Variants in GNG7 observed in about 807,000 individuals in gnomAD.
GNG7 encodes the protein guanine nucleotide-binding protein G(I)/G(S)/G(O) subunit gamma-7.
A neutral mutation model predicts 4.0 loss-of-function variants in GNG7; 1 was observed. The ratio of observed to expected loss-of-function variants is 0.25; its 90% confidence interval spans 0.09 to 1.18. The LOEUF (loss-of-function observed/expected upper bound fraction) is 1.18. GNG7 is among the 50% of genes most tolerant of loss of function. GNG7 has a pLI of 0.50. For synonymous variants in GNG7, 34 were observed against 36.9 expected (o/e 0.92, Z 0.29); for missense variants, 86 against 91.9 (o/e 0.94, Z 0.26).
intron 4 of GNG7, among the ~76,000 whole-genome samples, chr19:2,519,954 C>T (rs982558502): frequency 1.3e-5 from 2 of 152,036 alleles, no homozygotes; most frequent in Admixed American, 1.3e-4. Flanking sequence ...CCGAGGCAGG[C>T]GGATCACCTG....
chr19:2,635,445 G>T (rs1022477720), intron 2 of GNG7, among the ~76,000 whole-genome samples: 7 of 152,200 alleles, frequency 4.6e-5, no homozygotes, highest in Non-Finnish European at 7.3e-5. Context: ...GTAAGACAGG[G>T]GGACCCCAGC....
intron 4 of GNG7, among the ~76,000 whole-genome samples, chr19:2,515,944 G>A (rs1972729468): frequency 6.6e-6 from 1 of 151,872 alleles, no homozygotes; most frequent in Non-Finnish European, 1.5e-5. Flanking sequence ...GCCAGGTGCG[G>A]TGGCTCACAC....
At chr19:2,550,287 G>A (rs958745638) in intron 3 of GNG7, among the ~76,000 whole-genome samples, 15 of 152,132 alleles carry the variant, frequency 9.9e-5, no homozygotes, top group East Asian at 1.9e-4. Flanking sequence ...GCGCAATCTC[G>A]GCTCACTGCA....
At chr19:2,591,993 A>G (rs1268799609) in intron 2 of GNG7, among the ~76,000 whole-genome samples, 3 of 152,236 alleles carry the variant, frequency 2.0e-5, no homozygotes, top group Non-Finnish European at 4.4e-5. Context: ...CAGGAGTTCA[A>G]GTTGCTATAA....
intron 2 of GNG7, among the ~76,000 whole-genome samples, chr19:2,621,790 G>A (rs1022592998): frequency 8.5e-5 from 13 of 152,138 alleles, no homozygotes; most frequent in Admixed American, 7.9e-4. Context: ...TCGACGGTAA[G>A]CACAAGCCAG....
At chr19:2,636,315 C>T (rs1317915043) in intron 2 of GNG7, among the ~76,000 whole-genome samples, 2 of 152,146 alleles carry the variant, frequency 1.3e-5, no homozygotes, top group Admixed American at 6.5e-5. Context: ...GATCCAGGCC[C>T]TCTGCCCGCC....
At chr19:2,587,786 A>C (rs1300959097) in intron 2 of GNG7, among the ~76,000 whole-genome samples, 2 of 151,946 alleles carry the variant, frequency 1.3e-5, no homozygotes, top group East Asian at 3.9e-4. Flanking sequence ...GGTTGCGGTG[A>C]GCCAAGATCG....
chr19:2,657,315 C>T (rs1391179794), intron 1 of GNG7, among the ~76,000 whole-genome samples: 1 of 108,614 alleles, frequency 9.2e-6, no homozygotes, highest in Non-Finnish European at 1.8e-5. Context: ...CCCTGGGTGA[C>T]AAAGCAAGAC....
chr19:2,621,027 G>A (rs550228577), intron 2 of GNG7, among the ~76,000 whole-genome samples: 85 of 152,096 alleles, frequency 5.6e-4, no homozygotes, highest in Middle Eastern at 3.4e-3. Context: ...TTCTGCAAAC[G>A]GGGGCCCCAT....
At chr19:2,536,863 C>T (rs1403569019) in intron 3 of GNG7, among the ~76,000 whole-genome samples, 1 of 152,052 alleles carries the variant, frequency 6.6e-6, no homozygotes, top group Admixed American at 6.6e-5. Flanking sequence ...ACAGTCTGTG[C>T]TTCCTGGTCG....
intron 2 of GNG7, among the ~76,000 whole-genome samples, chr19:2,583,616 C>T (rs1198039356): frequency 5.3e-5 from 8 of 152,178 alleles, no homozygotes; most frequent in African/African-American, 1.9e-4. Flanking sequence ...TCAGCAGGCC[C>T]ATAAATAGGA....
At chr19:2,647,712 T>C (rs936478937) in intron 1 of GNG7, among the ~76,000 whole-genome samples, 5 of 151,756 alleles carry the variant, frequency 3.3e-5, no homozygotes, top group Non-Finnish European at 7.4e-5. Context: ...AGTGCAATCC[T>C]GTCTGAGAAA....
intron 1 of GNG7, among the ~76,000 whole-genome samples, chr19:2,699,449 A>G (rs999779997): frequency 6.6e-6 from 1 of 152,012 alleles, no homozygotes; most frequent in Non-Finnish European, 1.5e-5. Context: ...GCACCCAGCC[A>G]TAAGTAGGCA....
intron 2 of GNG7, among the ~76,000 whole-genome samples, chr19:2,612,339 G>A (rs899430986): frequency 2.0e-5 from 3 of 152,066 alleles, no homozygotes; most frequent in Admixed American, 1.3e-4. Context: ...ATAACCACAC[G>A]TCCCCAAACA....
At chr19:2,620,124 G>A (rs1483487637) in intron 2 of GNG7, among the ~76,000 whole-genome samples, 1 of 151,236 alleles carries the variant, frequency 6.6e-6, no homozygotes, top group Non-Finnish European at 1.5e-5. Flanking sequence ...TTGAACCCGG[G>A]AGGTAGAGGT....
chr19:2,651,459 C>A (rs773794637), intron 1 of GNG7, among the ~76,000 whole-genome samples: 3 of 145,500 alleles, frequency 2.1e-5, no homozygotes, highest in Admixed American at 7.0e-5. Context: ...TTTCCTCCCT[C>A]TCTTTCTCTT....
intron 1 of GNG7, among the ~76,000 whole-genome samples, chr19:2,696,134 G>A (rs1339942141): frequency 6.7e-6 from 1 of 150,292 alleles, no homozygotes; most frequent in East Asian, 1.9e-4. Context: ...TCCAGCCCGG[G>A]AGACAGAGCA....
At chr19:2,524,632 G>A (rs1978336184) in intron 3 of GNG7, among the ~76,000 whole-genome samples, 1 of 152,238 alleles carries the variant, frequency 6.6e-6, no homozygotes, top group Admixed American at 6.5e-5. Flanking sequence ...GTGTCTATAT[G>A]AGTGCATGTA....
chr19:2,576,361 G>A (rs933852071), intron 2 of GNG7, among the ~76,000 whole-genome samples: 1 of 152,176 alleles, frequency 6.6e-6, no homozygotes, highest in Non-Finnish European at 1.5e-5. Flanking sequence ...CGCCCTGGGT[G>A]GGGCTGACCC....
Sources: allele counts gnomAD v4.1 joint callset (sites outside exome capture counted in the v4.1 genomes callset), GRCh38; gene constraint gnomAD v4.1.1; transcripts MANE v1.5; gene names NCBI Gene and HGNC (gene_info 2026-07-23, HGNC 2026-07-21).